Variants in KIF26B observed in about 807,000 individuals in gnomAD.
The protein encoded by KIF26B is kinesin family member 26B, also known as kinesin-like protein KIF26B.
KIF26B carries 63 observed loss-of-function variants against 151.2 expected under a neutral mutation model. The observed-to-expected ratio is 0.42, with a 90% CI of 0.34 to 0.51. KIF26B has a LOEUF of 0.51. Ranked by LOEUF, KIF26B falls within the 20% of genes least tolerant of loss-of-function variation. The probability of loss-of-function intolerance (pLI) is 0.07; values close to 1 mark genes in which losing one functional copy is unlikely to be tolerated. For synonymous variants in KIF26B, 1,357 were observed against 1,262.1 expected (o/e 1.08, Z -1.59); for missense variants, 2,813 against 2,913.6 (o/e 0.97, Z 0.79).
chr1:245,364,577 C>T (rs925997399), intron 2 of KIF26B, among the ~76,000 whole-genome samples: 8 of 151,946 alleles, frequency 5.3e-5, no homozygotes, highest in Non-Finnish European at 8.8e-5. Flanking sequence ...CCCGCCACCA[C>T]GCCCAGCTAA....
chr1:245,332,089 G>A (rs1020179719), intron 2 of KIF26B, among the ~76,000 whole-genome samples: 1 of 152,196 alleles, frequency 6.6e-6, no homozygotes, highest in Non-Finnish European at 1.5e-5. Context: ...TGGCACCACT[G>A]CATTCCAGCT....
At chr1:245,269,552 C>T (rs570452556) in intron 2 of KIF26B, among the ~76,000 whole-genome samples, 2 of 151,996 alleles carry the variant, frequency 1.3e-5, no homozygotes, top group East Asian at 1.9e-4. Flanking sequence ...ACAACCTCCA[C>T]CTCCTGGGTT....
chr1:245,574,957 C>T (rs530547273), intron 5 of KIF26B, among the ~76,000 whole-genome samples: 6 of 150,704 alleles, frequency 4.0e-5, no homozygotes, highest in Admixed American at 2.0e-4. Context: ...CTCCACCTCC[C>T]GGGTTCACGC....
chr1:245,485,868 A>G (rs1660270560), intron 4 of KIF26B, among the ~76,000 whole-genome samples: 2 of 152,238 alleles, frequency 1.3e-5, no homozygotes, highest in Non-Finnish European at 2.9e-5. Flanking sequence ...GCTGTGATGA[A>G]TAAATAAATG....
intron 4 of KIF26B, among the ~76,000 whole-genome samples, chr1:245,419,947 T>A (rs562750170): frequency 3.9e-5 from 6 of 152,234 alleles, no homozygotes; most frequent in Non-Finnish European, 5.9e-5. Context: ...TGTTATAGGG[T>A]GGGCTGCAGC....
At chr1:245,191,807 A>G (rs1439750427) in intron 2 of KIF26B, among the ~76,000 whole-genome samples, 4 of 152,202 alleles carry the variant, frequency 2.6e-5, no homozygotes, top group African/African-American at 4.8e-5. Flanking sequence ...GCAAAAGGGG[A>G]AACAAACACA....
At chr1:245,217,471 TCTCCTGCCTCAGCCTCC>T (rs1669672283) in intron 2 of KIF26B, among the ~76,000 whole-genome samples, 1 of 151,928 alleles carries the variant, frequency 6.6e-6, no homozygotes, top group African/African-American at 2.4e-5. Flanking sequence ...TTCAAGCGAT[TCTCCTGCCTCAGCCTCC>T]CTAGTAGCTG....
At chr1:245,472,093 G>C (rs894031445) in intron 4 of KIF26B, among the ~76,000 whole-genome samples, 2 of 152,134 alleles carry the variant, frequency 1.3e-5, no homozygotes, top group South Asian at 4.1e-4. Flanking sequence ...CGCCCAGTCA[G>C]ATCTTACATT....
chr1:245,510,278 C>G (rs1249335759), intron 4 of KIF26B, among the ~76,000 whole-genome samples: 1 of 152,154 alleles, frequency 6.6e-6, no homozygotes, highest in Non-Finnish European at 1.5e-5. Context: ...TGAGACTAGA[C>G]AATTTCACTT....
At chr1:245,462,510 G>C (rs1368118421) in intron 4 of KIF26B, among the ~76,000 whole-genome samples, 1 of 152,178 alleles carries the variant, frequency 6.6e-6, no homozygotes, top group Non-Finnish European at 1.5e-5. Flanking sequence ...TTACTCCTTT[G>C]TGGAGCAGGA....
Position 245,685,450 on chromosome 1 carries a change from C to G in KIF26B, c.2467C>G (p.Arg823Gly). ...CGGGGAGAGCTCCTGCGAAGAAGGC[C>G]GCATGCGCAGGCCCACCCAGCTGAG... is the stretch of plus-strand genomic sequence containing the variant. Reference protein sequence around the residue: ...SGGESSCEEGRMRRPTQLRPF... With the variant: ...SGGESSCEEGGMRRPTQLRPF... Residue 823 changes from arginine (R) to glycine (G), a missense_variant, in exon 12 of 15, where the codon CGC (arginine) becomes GGC (glycine). Arg to Gly is a moderately radical substitution (Grantham distance 125). This residue lies in a region of KIF26B where 2,060 missense variants were observed against 2,088.6 expected (regional missense o/e 0.99). Transcript: ENST00000407071. 2 of 1,613,526 alleles carry G rather than the reference C, an allele frequency of 1.2e-6. No individual in the cohort carries two copies. The highest frequency in any genetic ancestry group is 2.2e-5 in the South Asian group (2 of 91,012).
chr1:245,282,943 A>G (rs1876947), intron 2 of KIF26B: 149,053 of 321,732 alleles, frequency 0.46, 35,581 homozygotes, highest in East Asian at 0.65. Flanking sequence ...CCACCTCTGT[A>G]GTAGCCACCA....
chr1:245,157,537 G>A (rs1322472338), intron 2 of KIF26B, among the ~76,000 whole-genome samples: 3 of 152,202 alleles, frequency 2.0e-5, no homozygotes, highest in Admixed American at 6.5e-5. Context: ...CTGTGATTTC[G>A]AGTAGGCGTT....
chr1:245,323,863 A>G (rs953176096), intron 2 of KIF26B, among the ~76,000 whole-genome samples: 2 of 151,514 alleles, frequency 1.3e-5, no homozygotes, highest in African/African-American at 4.9e-5. Context: ...GTTGGTGTGG[A>G]CCCTGCCGTG....
chr1:245,552,884 G>A (rs1661926828), intron 5 of KIF26B, among the ~76,000 whole-genome samples: 1 of 152,138 alleles, frequency 6.6e-6, no homozygotes, highest in African/African-American at 2.4e-5. Context: ...CCGGGTGTGA[G>A]CCACCGCACA....
At chr1:245,348,876 G>A (rs1672510745) in intron 2 of KIF26B, among the ~76,000 whole-genome samples, 1 of 152,168 alleles carries the variant, frequency 6.6e-6, no homozygotes, top group South Asian at 2.1e-4. Flanking sequence ...GATGCCTGCT[G>A]TGGCTCACAG....
intron 3 of KIF26B, among the ~76,000 whole-genome samples, chr1:245,388,409 C>A (rs746699519): frequency 1.3e-5 from 2 of 152,160 alleles, no homozygotes; most frequent in Non-Finnish European, 2.9e-5. Flanking sequence ...AAGCAAAAGC[C>A]GCTACTTGCA....
intron 4 of KIF26B, among the ~76,000 whole-genome samples, chr1:245,452,392 G>A (rs923311385): frequency 2.6e-5 from 4 of 152,066 alleles, no homozygotes; most frequent in African/African-American, 9.7e-5. Flanking sequence ...AAGTAATGCT[G>A]CTATGAACGA....
intron 2 of KIF26B, among the ~76,000 whole-genome samples, chr1:245,322,664 GT>G (rs1671913184): frequency 6.6e-6 from 1 of 152,122 alleles, no homozygotes; most frequent in African/African-American, 2.4e-5. Flanking sequence ...ACATTATTGT[GT>G]TTTCTGCTGT....
Sources: gnomAD v4.1 joint callset for allele counts (sites outside exome capture counted in the v4.1 genomes callset) on GRCh38, gnomAD v4.1.1 for gene constraint, gnomAD v4.1.1 regional missense constraint, MANE v1.5 for transcripts, NCBI Gene and HGNC (gene_info 2026-07-23, HGNC 2026-07-21) for gene names.